DST: variants seen among roughly 807,000 people sequenced by gnomAD.
DST encodes the protein bullous pemphigoid antigen.
Under a neutral mutation model 875.2 loss-of-function variants are expected in DST, and 253 were observed. That is an observed-to-expected ratio of 0.29 (90% CI 0.26 to 0.32). The LOEUF (loss-of-function observed/expected upper bound fraction) is 0.32, where lower values mean the gene tolerates loss of function less well. Ranked by LOEUF, DST falls within the 10% of genes least tolerant of loss-of-function variation. DST has a pLI of 1.00. For missense variants in DST, 8,287 were observed against 9,111.6 expected, an observed-to-expected ratio of 0.91 and a Z score of 3.68; for synonymous variants, 3,124 against 3,197.1, an observed-to-expected ratio of 0.98 and a Z score of 0.77.
In DST at chr6:56,497,896, G is replaced by GT. The variant is rs2095976276; in HGVS notation, c.20053dup (p.Thr6685AsnfsTer23). 6.2e-7 allele frequency: 1 copy of GT among 1,612,850 alleles called. No homozygotes were observed. The highest frequency in any genetic ancestry group is 8.5e-7 in the Non-Finnish European group (1 of 1,179,370). ...ATCCAGCTGCTGCTTCCTTTGTTCT[G>GT]TTTTTTCCAAAACATTTTGCCAGCG... On this transcript the variant is annotated frameshift_variant, in exon 81 of 104. Coordinates refer to ENST00000680361, the MANE Select transcript of DST (RefSeq NM_001374736.1). LOFTEE classifies it high-confidence loss of function.
chr6:56,843,036 C>A, intron 4 of DST: 1 of 1,439,006 alleles, frequency 6.9e-7, no homozygotes, highest in Non-Finnish European at 9.3e-7. Context: ...TCCGCAGCCC[C>A]AGGGCAGGGA....
At chr6:56,871,951 C>T (rs529009266) in intron 3 of DST, among the ~76,000 whole-genome samples, 1 of 152,226 alleles carries the variant, frequency 6.6e-6, no homozygotes, top group Admixed American at 6.5e-5. Flanking sequence ...CTCGCTTAGA[C>T]GTGGCTGAGG....
At chr6:56,472,418 T>G (rs1296237786) in intron 93 of DST, among the ~76,000 whole-genome samples, 196 bp from the exon 94 acceptor site, 1 of 152,218 alleles carries the variant, frequency 6.6e-6, no homozygotes, top group Non-Finnish European at 1.5e-5. Context: ...ACACTGTTCA[T>G]GCAATTTAAA....
At chr6:56,610,586 A>C in intron 38 of DST, 24 bp from the exon 39 acceptor site, 1 of 1,556,222 alleles carries the variant, frequency 6.4e-7, no homozygotes, top group South Asian at 1.2e-5. Context: ...AATGATAAAA[A>C]GACTAATGCA....
intron 95 of DST, among the ~76,000 whole-genome samples, chr6:56,470,798 A>C (rs2094848719): frequency 1.3e-5 from 2 of 151,072 alleles, no homozygotes; most frequent in African/African-American, 2.4e-5. Flanking sequence ...ACACACACAC[A>C]CACACACACA....
intron 9 of DST, among the ~76,000 whole-genome samples, chr6:56,676,006 G>A (rs572732932): frequency 6.6e-6 from 1 of 152,224 alleles, no homozygotes; most frequent in East Asian, 1.9e-4. Flanking sequence ...AAACCACAAT[G>A]AGGTATCACC....
At chr6:56,462,162 A>G (rs1410575841) in intron 102 of DST, 1 of 152,214 alleles carries the variant, frequency 6.6e-6, no homozygotes, top group Non-Finnish European at 1.5e-5. Flanking sequence ...CTTCAATTTC[A>G]AGAAAAGGTA....
chr6:56,831,808 C>T (rs901709616), intron 4 of DST, among the ~76,000 whole-genome samples: 1 of 151,770 alleles, frequency 6.6e-6, no homozygotes, highest in African/African-American at 2.4e-5. Flanking sequence ...GTACAAAATA[C>T]GATGGGTATG....
At chr6:56,880,838 T>TTTC (rs1491251646) in intron 3 of DST, among the ~76,000 whole-genome samples, 1 of 3,658 alleles carries the variant, frequency 2.7e-4, no homozygotes, top group Non-Finnish European at 8.0e-4. Flanking sequence ...ACTGTCTTTC[T>TTTC]TTTTTTTTTT....
At chr6:56,708,927 C>T (rs1196120698) in intron 5 of DST, among the ~76,000 whole-genome samples, 1 of 152,140 alleles carries the variant, frequency 6.6e-6, no homozygotes, top group Non-Finnish European at 1.5e-5. Flanking sequence ...CGCCAATATC[C>T]CTAACATTCC....
At position 56,553,550 on chromosome 6, in the gene DST, T is replaced by C; in HGVS notation, c.15242A>G (p.Asn5081Ser). The stretch of plus-strand genomic sequence containing the variant: ...TTTGGCAGATATTGGATGAGATTTG[T>C]TTTGCTCTTCTTTCTTTGTATCCAG... The part of the protein sequence containing the change: ...AWLDTKKEEQ[N>S]KSHPISAKLD... The change falls in exon 61 of 104, where the codon AAC (asparagine) becomes AGC (serine). Residue 5081 changes from asparagine to serine, a missense_variant. By Grantham distance (46) the Asn-to-Ser change is conservative. Around this residue, in one of 10 missense-constraint regions of DST, gnomAD observed 1,513 missense variants for 1,677.8 expected, o/e 0.90. Transcript: ENST00000680361. 1 of 1,613,994 alleles carries C rather than the reference T, an allele frequency of 6.2e-7. No homozygotes were observed. Among genetic ancestry groups the C allele is most frequent in the Non-Finnish European group, 8.5e-7 (1 of 1,179,894 alleles).
rs868279643 is a variant in DST at position 56,629,404 on chromosome 6, G to A, written c.4321C>T (p.His1441Tyr). 1 of 1,613,346 alleles carries A rather than the reference G, an allele frequency of 6.2e-7. No individual in the cohort carries two copies. The highest frequency in any genetic ancestry group is 1.7e-5 in the Admixed American group (1 of 59,964). The change falls in exon 32 of 104, where the codon CAT (histidine) becomes TAT (tyrosine). Residue 1441 changes from histidine (H) to tyrosine (Y), a missense_variant. Coordinates refer to ENST00000680361, the MANE Select transcript of DST (RefSeq NM_001374736.1). ...SEVDEKRQVF[H>Y]ALEDELQKAK... ...TTCTGCAACTCATCCTCTAAGGCAT[G>A]GAATACCTGTCTCTTTTCATCTACT... is the stretch of plus-strand genomic sequence containing the variant.
chr6:56,721,400 G>A (rs1387472323), intron 5 of DST, among the ~76,000 whole-genome samples: 1 of 152,216 alleles, frequency 6.6e-6, no homozygotes, highest in Non-Finnish European at 1.5e-5. Flanking sequence ...AAATCACAAG[G>A]GTATTGACTG....
rs954410279 is a variant in DST at position 56,532,475 on chromosome 6, C to G, written c.16977G>C (p.Thr5659=). ...LQRLLDDRKS[T]VEVIKREGEK... is the part of the protein sequence containing the mutation. ...CTCCTTCTCGTTTGATTACCTCCAC[C>G]GTAGATTTTCGGTCATCCAACAATC... Residue 5659 remains threonine, a synonymous_variant, in exon 64 of 104, where the codon ACG becomes ACC. Transcript: ENST00000680361. 1.2e-6 allele frequency: 2 copies of G among 1,606,668 alleles called. No homozygotes were observed. The highest frequency in any genetic ancestry group is 1.7e-5 in the Admixed American group (1 of 58,860).
intron 4 of DST, among the ~76,000 whole-genome samples, chr6:56,822,923 G>A (rs763478541): frequency 9.9e-5 from 15 of 151,832 alleles, no homozygotes; most frequent in Non-Finnish European, 2.2e-4. Context: ...CGAATCCCGT[G>A]TTCAAGGAGA....
At chr6:56,671,600 A>G (rs975859591) in intron 9 of DST, among the ~76,000 whole-genome samples, 1 of 152,210 alleles carries the variant, frequency 6.6e-6, no homozygotes, top group Admixed American at 6.5e-5. Flanking sequence ...TCCCAAAAGC[A>G]TCTCTTTGAT....
intron 58 of DST, among the ~76,000 whole-genome samples, chr6:56,559,966 A>AT (rs1182941366): frequency 1.3e-5 from 2 of 152,146 alleles, no homozygotes; most frequent in East Asian, 3.9e-4. Flanking sequence ...ACAGCTTAAA[A>AT]ATATATAAAG....
Position 56,628,055 on chromosome 6 carries a change from G to C in DST, c.4582C>G (p.Gln1528Glu). The C allele has an allele frequency of 1.2e-6, 2 of 1,613,876 alleles. No homozygotes were observed. The highest frequency in any genetic ancestry group is 1.1e-5 in the South Asian group (1 of 91,070). The change falls in exon 33 of 104, where the codon CAG (glutamine) becomes GAG (glutamate). Residue 1528 changes from glutamine to glutamate, a missense_variant. Coordinates refer to ENST00000680361, the MANE Select transcript of DST (RefSeq NM_001374736.1). ...QQVETTQRKIQENQPENSKTL... is the reference protein window; with the variant it reads ...QQVETTQRKIEENQPENSKTL... The stretch of plus-strand genomic sequence containing the variant: ...TTACTATTTTCAGGCTGATTTTCCT[G>C]AATCTTTCTCTGAGTAGTTTCAACC...
chr6:56,605,503 A>G lies in DST; in HGVS notation c.9125T>C (p.Ile3042Thr). 6.2e-7 allele frequency: 1 copy of G among 1,613,064 alleles called. No individual in the cohort carries two copies. Among genetic ancestry groups the G allele is most frequent in the Non-Finnish European group, 8.5e-7 (1 of 1,179,358 alleles). Reference sequence around the variant, plus strand: ...AATTGATGTTTCATCTTCTATTAGAATATCACTTTTGCCATCTCTCCCTTT... The same window carrying G: ...AATTGATGTTTCATCTTCTATTAGAGTATCACTTTTGCCATCTCTCCCTTT... ...LIKGRDGKSD[I>T]LIEDETSIQK... The change falls in exon 40 of 104, where the codon ATT becomes ACT. Residue 3042 changes from isoleucine (I) to threonine (T), a missense_variant. Physicochemically the swap from Ile to Thr is moderately conservative, Grantham distance 89. This residue lies in a region of DST where 3,138 missense variants were observed against 3,116.6 expected (regional missense o/e 1.01). Transcript: ENST00000680361.
Sources: gnomAD v4.1 joint callset for allele counts (sites outside exome capture counted in the v4.1 genomes callset) on GRCh38, gnomAD v4.1.1 for gene constraint, gnomAD v4.1.1 regional missense constraint, MANE v1.5 for transcripts, NCBI Gene and HGNC (gene_info 2026-07-23, HGNC 2026-07-21) for gene names.